The following ARID1B variants were observed in gnomAD, a reference collection of about 807,000 sequenced individuals.
The protein encoded by ARID1B is AT-rich interactive domain-containing protein 1B.
A neutral mutation model predicts 212.3 loss-of-function variants in ARID1B; 30 were observed. That is an observed-to-expected ratio of 0.14 (90% CI 0.11 to 0.19). The LOEUF (loss-of-function observed/expected upper bound fraction) is 0.19, where lower values mean the gene tolerates loss of function less well. Among genes scored for constraint, ARID1B ranks in the 10% least tolerant of loss-of-function variants. The pLI is 1.00. For missense variants in ARID1B, 2,891 were observed against 3,204.0 expected (o/e 0.90, Z 2.36); for synonymous variants, 1,402 against 1,301.7 (o/e 1.08, Z -1.66).
chr6:156,966,381 C>CTTTCTTTT (rs1794742120), intron 4 of ARID1B, among the ~76,000 whole-genome samples: 1 of 89,436 alleles, frequency 1.1e-5, no homozygotes, highest in African/African-American at 3.8e-5. Context: ...CTTTTCTTTT[C>CTTTCTTTT]TTTTCTTTTT....
chr6:157,161,431 G>GTGTATATATATATATA (rs540423195), intron 8 of ARID1B, among the ~76,000 whole-genome samples: 5 of 139,380 alleles, frequency 3.6e-5, no homozygotes, highest in African/African-American at 1.4e-4. Flanking sequence ...TTGTGTGTGT[G>GTGTATATATATATATA]TATATATATA....
chr6:157,120,192 G>T (rs1787613338), intron 6 of ARID1B, among the ~76,000 whole-genome samples: 1 of 152,304 alleles, frequency 6.6e-6, no homozygotes, highest in South Asian at 2.1e-4. Flanking sequence ...AAACTTAAAG[G>T]ATTTGTGTAA....
At position 157,203,651 on chromosome 6, in the gene ARID1B, A is replaced by C; in HGVS notation, c.5264-215A>C. On this transcript the variant is annotated intron_variant, in intron 18 of 19. Coordinates refer to ENST00000636930, the MANE Select transcript of ARID1B (RefSeq NM_001374828.1). The surrounding 1 kb of genome is among the most constrained non-coding windows in gnomAD (Gnocchi z 4.4). Reference sequence around the variant, plus strand: ...AGCACTTTCGGCCCCTGCGTGACCAACAAAGCGAGATCTGAAACCACAAAA... The same window carrying C: ...AGCACTTTCGGCCCCTGCGTGACCACCAAAGCGAGATCTGAAACCACAAAA... The C allele has an allele frequency of 4.9e-6, 3 of 608,522 alleles. No individual in the cohort carries two copies. The South Asian group carries it at 5.7e-5, about 12-fold the overall frequency. The allele number at this position is 608,522 out of a possible 1,614,324, so 37.7% of individuals were successfully genotyped here.
chr6:156,862,861 T>A (rs1785431247), intron 2 of ARID1B, among the ~76,000 whole-genome samples: 1 of 152,294 alleles, frequency 6.6e-6, no homozygotes, highest in Non-Finnish European at 1.5e-5. Context: ...AGGGAAATAG[T>A]GAATGACAGA....
At chr6:157,153,371 C>T (rs1790338248) in intron 8 of ARID1B, among the ~76,000 whole-genome samples, 2 of 151,594 alleles carry the variant, frequency 1.3e-5, no homozygotes, top group Admixed American at 1.3e-4. Flanking sequence ...AACCCTCCTC[C>T]TTCTACACAC....
intron 9 of ARID1B, among the ~76,000 whole-genome samples, chr6:157,171,362 G>A (rs965090009): frequency 6.6e-6 from 1 of 152,174 alleles, no homozygotes; most frequent in Non-Finnish European, 1.5e-5. Flanking sequence ...ATAGGAGAAG[G>A]AACAGTGCCT....
intron 6 of ARID1B, among the ~76,000 whole-genome samples, chr6:157,118,696 CACAGGACT>C (rs1274339789): frequency 6.6e-6 from 1 of 152,224 alleles, no homozygotes; most frequent in Non-Finnish European, 1.5e-5. Flanking sequence ...GCAGTCATGG[CACAGGACT>C]TGTGTCAGGT....
intron 4 of ARID1B, among the ~76,000 whole-genome samples, chr6:157,010,302 T>TG (rs1471374883): frequency 1.7e-3 from 209 of 120,742 alleles, no homozygotes; most frequent in Middle Eastern, 9.3e-3. Context: ...TTTTTTTTTT[T>TG]TTGTTGTTGT....
At chr6:157,150,878 G>C (rs147889751) in intron 8 of ARID1B, 4,910 of 178,176 alleles carry the variant, frequency 0.028, 93 homozygotes, top group Non-Finnish European at 0.042. Flanking sequence ...ACCCCGACTT[G>C]CTGCGGGACC....
At chr6:156,796,630 AT>A (rs1367844269) in intron 1 of ARID1B, among the ~76,000 whole-genome samples, 1 of 152,200 alleles carries the variant, frequency 6.6e-6, no homozygotes, top group African/African-American at 2.4e-5. Context: ...CCCTAATAAA[AT>A]AACTGTCAGA....
upstream of ARID1B, chr6:156,776,950 G>C (rs549158282): frequency 2.0e-5 from 3 of 152,322 alleles, no homozygotes; most frequent in African/African-American, 7.2e-5. Context: ...GGGAGAGACC[G>C]TGCTTTTGCA....
intron 4 of ARID1B, among the ~76,000 whole-genome samples, chr6:156,952,884 G>GA (rs1793690797): frequency 6.6e-6 from 1 of 152,174 alleles, no homozygotes; most frequent in South Asian, 2.1e-4. Flanking sequence ...TCGAGTAAGC[G>GA]AAAATCCTTG....
chr6:157,093,377 GT>G (rs2128479849), intron 5 of ARID1B, among the ~76,000 whole-genome samples: 1 of 152,298 alleles, frequency 6.6e-6, no homozygotes, highest in South Asian at 2.1e-4. Flanking sequence ...TTATTATGAT[GT>G]GTTGATTGAT....
At chr6:156,812,938 GT>G (rs1394180617) in intron 1 of ARID1B, among the ~76,000 whole-genome samples, 11 of 59,564 alleles carry the variant, frequency 1.8e-4, no homozygotes, top group Non-Finnish European at 2.8e-4. Context: ...TCCTGGGTGT[GT>G]GTGTGTGTGT....
intron 6 of ARID1B, among the ~76,000 whole-genome samples, chr6:157,129,190 T>C (rs954074750): frequency 6.6e-6 from 1 of 152,264 alleles, no homozygotes; most frequent in Non-Finnish European, 1.5e-5. Context: ...ATTATCTCAG[T>C]TGATCCTCAC....
intron 2 of ARID1B, among the ~76,000 whole-genome samples, chr6:156,853,539 G>A (rs1244522803): frequency 2.6e-5 from 4 of 151,978 alleles, no homozygotes; most frequent in Non-Finnish European, 5.9e-5. Flanking sequence ...TGGTGGAAGA[G>A]GGGGCAAGGT....
intron 4 of ARID1B, among the ~76,000 whole-genome samples, chr6:157,083,206 T>C (rs1784744370): frequency 2.6e-5 from 4 of 152,170 alleles, no homozygotes; most frequent in Non-Finnish European, 4.4e-5. Context: ...AATTTAACAT[T>C]GATAAAATTT....
intron 7 of ARID1B, among the ~76,000 whole-genome samples, chr6:157,146,637 C>A (rs796256560): frequency 6.6e-6 from 1 of 152,148 alleles, no homozygotes; most frequent in Non-Finnish European, 1.5e-5. Context: ...CATACCCATA[C>A]GTGCACGTGC....
In ARID1B at chr6:156,966,376, C is replaced by CTTTTCTTTTCTTTTCTT. The variant is rs1562516242; in HGVS notation, c.2247+30814_2247+30815insCTTTTTTCTTTTCTTTT. ...TACAATACAGACATAAATAACTTTT[C>CTTTTCTTTTCTTTTCTT]TTTTCTTTTCTTTTTTTTTTTTTTT... On this transcript the variant is annotated intron_variant, in intron 4 of 19. Coordinates refer to ENST00000636930, the MANE Select transcript of ARID1B (RefSeq NM_001374828.1). 2.9e-3 allele frequency among the ~76,000 whole-genome samples: 264 copies of CTTTTCTTTTCTTTTCTT among 90,442 alleles called. 2 individuals carry two copies. Among genetic ancestry groups the CTTTTCTTTTCTTTTCTT allele is most frequent in the African/African-American group, 0.012 (253 of 21,148 alleles). The allele number at this position is 90,442 out of a possible 152,430, so 59.3% of individuals were successfully genotyped here.
Sources: gnomAD v4.1 joint callset for allele counts (sites outside exome capture counted in the v4.1 genomes callset) on GRCh38, gnomAD v4.1.1 for gene constraint, Gnocchi (gnomAD v3.1) non-coding constraint, MANE v1.5 for transcripts, NCBI Gene and HGNC (gene_info 2026-07-23, HGNC 2026-07-21) for gene names.